Variants in ACSL4 observed in about 807,000 individuals in gnomAD.
ACSL4 encodes the protein acyl-CoA synthetase long chain family member 4, also known as long-chain-fatty-acid--CoA ligase 4.
In ACSL4, 9 loss-of-function variants were observed where a neutral mutation model predicts 49.1. The observed-to-expected ratio is 0.18, with a 90% CI of 0.11 to 0.32. ACSL4 has a LOEUF of 0.32. Among genes scored for constraint, ACSL4 ranks in the 10% least tolerant of loss-of-function variants. ACSL4 has a pLI of 1.00. For synonymous variants in ACSL4, 191 were observed against 170.3 expected (o/e 1.12, Z -0.95); for missense variants, 333 against 493.7 (o/e 0.67, Z 3.08).
In ACSL4 at chrX:109,659,357, C is replaced by T. The variant is rs145872865; in HGVS notation, c.1852G>A (p.Ala618Thr). 3 of 1,207,032 alleles carry T rather than the reference C, an allele frequency of 2.5e-6. No homozygotes were observed. The African/African-American group carries it at 5.3e-5, about 21-fold the overall frequency. Residue 618 changes from alanine to threonine, a missense_variant, in exon 15 of 16, where the codon GCC becomes ACC. Ala to Thr is a moderately conservative substitution (Grantham distance 58). Around this residue, in one of 3 missense-constraint regions of ACSL4, gnomAD observed 175 missense variants for 275.8 expected, o/e 0.63. Coordinates refer to ENST00000672401, the MANE Select transcript of ACSL4 (RefSeq NM_001318510.2). ...ILKEIREAANAMKLERFEIPI... is the reference protein window; with the variant it reads ...ILKEIREAANTMKLERFEIPI... ...AGTCTAGCAATTTCTTACTTACTGG[C>T]ATTTGCAGCTTCTCGAATTTCTTTC...
chrX:109,706,005 T>C (rs1194440001), intron 1 of ACSL4, among the ~76,000 whole-genome samples: 1 of 112,883 alleles, frequency 8.9e-6, no homozygotes, highest in Non-Finnish European at 1.9e-5. Context: ...CCCCATTTAC[T>C]TTTTAGCAAC....
intron 1 of ACSL4, among the ~76,000 whole-genome samples, chrX:109,724,865 T>A (rs1314169185): frequency 9.1e-6 from 1 of 109,903 alleles, no homozygotes; most frequent in Non-Finnish European, 1.9e-5. Flanking sequence ...TGAGCCGAGA[T>A]CATGCCACTG....
chrX:109,732,383 A>G (rs931385175), intron 1 of ACSL4, among the ~76,000 whole-genome samples: 5 of 111,534 alleles, frequency 4.5e-5, no homozygotes, highest in Non-Finnish European at 9.4e-5. Context: ...TTAGACAATG[A>G]ATCATATTCT....
At chrX:109,663,044 TA>T (rs2147394577) in intron 13 of ACSL4, among the ~76,000 whole-genome samples, 166 bp downstream of exon 13, 1 of 112,019 alleles carries the variant, frequency 8.9e-6, no homozygotes, top group African/African-American at 3.2e-5. Context: ...ATGAGGTTGG[TA>T]TTGTCCTTGT....
intron 15 of ACSL4, among the ~76,000 whole-genome samples, chrX:109,652,282 G>A (rs1921210940): frequency 8.9e-6 from 1 of 111,930 alleles, no homozygotes; most frequent in Admixed American, 9.5e-5. Context: ...ATGTTGGCAA[G>A]ATAAATCCTT....
intron 1 of ACSL4, among the ~76,000 whole-genome samples, chrX:109,700,654 A>G (rs761630858): frequency 8.9e-6 from 1 of 111,956 alleles, no homozygotes; most frequent in South Asian, 3.7e-4. Flanking sequence ...GTTATAACAT[A>G]AGTACAACTA....
chrX:109,695,379 TC>T (rs1276919613), intron 2 of ACSL4, among the ~76,000 whole-genome samples: 1 of 106,696 alleles, frequency 9.4e-6, no homozygotes, highest in Non-Finnish European at 1.9e-5. Context: ...CTTCAACGTA[TC>T]GGGGCAAGCA....
chrX:109,682,573 CA>C, intron 4 of ACSL4, 145 bp downstream of exon 4: 2 of 665,244 alleles, frequency 3.0e-6, no homozygotes, highest in Admixed American at 2.5e-5. Flanking sequence ...ATCTTTTAGC[CA>C]CAATATTACA....
intron 15 of ACSL4, among the ~76,000 whole-genome samples, chrX:109,650,321 T>C (rs1389399215): frequency 4.5e-5 from 5 of 110,078 alleles, no homozygotes; most frequent in African/African-American, 1.7e-4. Context: ...ATGTGGCACA[T>C]ATACACCAGG....
At chrX:109,661,000 T>C (rs1262103952) in intron 14 of ACSL4, among the ~76,000 whole-genome samples, 1 of 111,419 alleles carries the variant, frequency 9.0e-6, no homozygotes, top group Non-Finnish European at 1.9e-5. Flanking sequence ...GTCTGGAGAT[T>C]GGCTGCACAC....
intron 1 of ACSL4, among the ~76,000 whole-genome samples, chrX:109,723,172 G>A (rs1927693550): frequency 9.0e-6 from 1 of 111,079 alleles, no homozygotes; most frequent in Non-Finnish European, 1.9e-5. Context: ...CCTATTATAA[G>A]CATCCTCCAG....
chrX:109,699,926 AAT>A (rs1925744300), intron 1 of ACSL4, among the ~76,000 whole-genome samples: 1 of 111,267 alleles, frequency 9.0e-6, no homozygotes, highest in African/African-American at 3.3e-5. Flanking sequence ...TCCCCTTAAG[AAT>A]ATATGTGAGC....
intron 9 of ACSL4, among the ~76,000 whole-genome samples, chrX:109,669,402 T>C (rs1392957709): frequency 9.2e-6 from 1 of 108,747 alleles, no homozygotes; most frequent in Non-Finnish European, 1.9e-5. Flanking sequence ...AAATTTTTTT[T>C]TTTTTTTTTG....
At chrX:109,728,045 A>G (rs2147562714) in intron 1 of ACSL4, among the ~76,000 whole-genome samples, 1 of 112,623 alleles carries the variant, frequency 8.9e-6, no homozygotes, top group East Asian at 2.8e-4. Flanking sequence ...AAATAATTTC[A>G]GTACTGCCTT....
intron 1 of ACSL4, among the ~76,000 whole-genome samples, chrX:109,701,539 CTTCT>C (rs1925936706): frequency 2.0e-5 from 2 of 99,704 alleles, no homozygotes; most frequent in Non-Finnish European, 4.1e-5. Flanking sequence ...TTTTCTTCTT[CTTCT>C]TTTTCTTTTT....
chrX:109,657,935 T>C (rs1047394184), intron 15 of ACSL4, among the ~76,000 whole-genome samples: 2 of 111,768 alleles, frequency 1.8e-5, no homozygotes, highest in African/African-American at 6.5e-5. Flanking sequence ...TGGCATCTCA[T>C]TGTGGTTTTG....
intron 1 of ACSL4, among the ~76,000 whole-genome samples, chrX:109,703,800 C>T (rs1441760960): frequency 9.0e-6 from 1 of 110,751 alleles, no homozygotes; most frequent in Non-Finnish European, 1.9e-5. Flanking sequence ...GGTGTGGTGG[C>T]AGGCACCTGT....
intron 1 of ACSL4, among the ~76,000 whole-genome samples, chrX:109,726,449 C>A (rs1462917807): frequency 2.7e-5 from 3 of 111,520 alleles, no homozygotes; most frequent in Non-Finnish European, 5.7e-5. Flanking sequence ...AACCAACAAA[C>A]AAAAAAACAA....
intron 1 of ACSL4, among the ~76,000 whole-genome samples, chrX:109,729,725 G>A (rs1321668614): frequency 1.8e-5 from 2 of 112,031 alleles, no homozygotes; most frequent in Non-Finnish European, 3.8e-5. Context: ...AGAGGTGACT[G>A]GTTAAACAAA....
Sources: gnomAD v4.1 joint callset for allele counts (sites outside exome capture counted in the v4.1 genomes callset) on GRCh38, gnomAD v4.1.1 for gene constraint, gnomAD v4.1.1 regional missense constraint, MANE v1.5 for transcripts, NCBI Gene and HGNC (gene_info 2026-07-23, HGNC 2026-07-21) for gene names.